The following DOCK4 variants were observed in gnomAD, a reference collection of about 807,000 sequenced individuals.
DOCK4 encodes the protein dedicator of cytokinesis protein 4.
A neutral mutation model predicts 268.1 loss-of-function variants in DOCK4; 97 were observed. That is an observed-to-expected ratio of 0.36 (90% CI 0.31 to 0.43). DOCK4 has a LOEUF of 0.43. Among genes scored for constraint, DOCK4 ranks in the 20% least tolerant of loss-of-function variants. The pLI is 1.00. For missense variants in DOCK4, 2,145 were observed against 2,455.7 expected (o/e 0.87, Z 2.67); for synonymous variants, 954 against 887.2 (o/e 1.08, Z -1.34).
chr7:111,933,357 C>T (rs1286015000), intron 12 of DOCK4, among the ~76,000 whole-genome samples: 1 of 138,878 alleles, frequency 7.2e-6, no homozygotes, highest in East Asian at 2.1e-4. Context: ...TGCAGTGGTG[C>T]GATCTTGGCT....
At chr7:111,739,967 T>G in intron 47 of DOCK4, 1 of 315,316 alleles carries the variant, frequency 3.2e-6, no homozygotes. Context: ...AATAAAATGT[T>G]TGCTTGCAGG....
intron 23 of DOCK4, among the ~76,000 whole-genome samples, chr7:111,858,559 T>C (rs73715280): frequency 0.32 from 48,560 of 152,016 alleles, 7,837 homozygotes; most frequent in East Asian, 0.35. Flanking sequence ...TTCCTGATGG[T>C]CTTCGAGCTA....
intron 1 of DOCK4, among the ~76,000 whole-genome samples, chr7:112,046,977 A>G (rs1804881017): frequency 6.6e-6 from 1 of 152,224 alleles, no homozygotes; most frequent in Non-Finnish European, 1.5e-5. Context: ...TTCTACTTTA[A>G]GTATCCCAGA....
intron 1 of DOCK4, among the ~76,000 whole-genome samples, chr7:112,008,942 G>A (rs1801076777): frequency 6.6e-6 from 1 of 152,226 alleles, no homozygotes; most frequent in Admixed American, 6.5e-5. Context: ...GCAGTGAGCT[G>A]AGATCGTGCC....
At chr7:111,909,429 C>T (rs1487408158) in intron 13 of DOCK4, among the ~76,000 whole-genome samples, 1 of 152,066 alleles carries the variant, frequency 6.6e-6, no homozygotes, top group African/African-American at 2.4e-5. Context: ...TCAACTTTGA[C>T]CAAATAGAAA....
Position 112,011,351 on chromosome 7 carries a change from A to G in DOCK4, c.38-7220T>C, listed in dbSNP as rs531280756. 1.5e-4 allele frequency among the ~76,000 whole-genome samples: 23 copies of G among 152,310 alleles called. No individual in the cohort carries two copies. In the South Asian group the frequency reaches 2.3e-3, roughly 15 times the overall value. On this transcript the variant is annotated intron_variant, in intron 1 of 52. Transcript: ENST00000428084. ...CTTCCTGAGGGGCTCAGCCTCTTAC[A>G]AGCTTTCAAGCACTCCCCATTCAGA...
chr7:111,838,490 ATTGATATACAAAAGAAT>A (rs1461033046), intron 25 of DOCK4, among the ~76,000 whole-genome samples: 2 of 152,218 alleles, frequency 1.3e-5, no homozygotes, highest in Non-Finnish European at 2.9e-5. Context: ...GGAATAAACT[ATTGATATACAAAAGAAT>A]AAGGATGAAA....
intron 1 of DOCK4, among the ~76,000 whole-genome samples, chr7:112,199,781 C>G (rs1820758810): frequency 6.6e-6 from 1 of 152,062 alleles, no homozygotes; most frequent in South Asian, 2.1e-4. Flanking sequence ...GTTATAGTGA[C>G]CAGAGAGTGT....
chr7:112,206,068 G>A, intron 1 of DOCK4, 34 bp downstream of exon 1: 1 of 1,563,444 alleles, frequency 6.4e-7, no homozygotes, highest in South Asian at 1.2e-5. Context: ...GCTCGGGCCA[G>A]AGCAGAATAA....
intron 1 of DOCK4, among the ~76,000 whole-genome samples, chr7:112,174,262 A>C: frequency 6.6e-6 from 1 of 152,000 alleles, no homozygotes; most frequent in South Asian, 2.1e-4. Context: ...TCACACACAC[A>C]ATCTGGAAAA....
At chr7:111,789,116 G>A (rs1799367942) in intron 31 of DOCK4, 2 of 238,408 alleles carry the variant, frequency 8.4e-6, no homozygotes, top group Non-Finnish European at 1.7e-5. Flanking sequence ...AAGGACATCA[G>A]GAAACTAACA....
intron 1 of DOCK4, among the ~76,000 whole-genome samples, chr7:112,167,483 T>G (rs1817703983): frequency 2.0e-5 from 3 of 152,202 alleles, no homozygotes; most frequent in African/African-American, 7.2e-5. Flanking sequence ...AATACTCACT[T>G]GATTAAAGAA....
At chr7:112,043,992 C>A (rs1804622895) in intron 1 of DOCK4, among the ~76,000 whole-genome samples, 1 of 150,598 alleles carries the variant, frequency 6.6e-6, no homozygotes, top group Admixed American at 6.6e-5. Context: ...TTGGATAGCA[C>A]TTAACATAGT....
At chr7:111,913,506 T>C (rs1792311066) in intron 13 of DOCK4, among the ~76,000 whole-genome samples, 1 of 148,834 alleles carries the variant, frequency 6.7e-6, no homozygotes, top group Non-Finnish European at 1.5e-5. Context: ...ACCTCCCGGG[T>C]TCACGCCATT....
At chr7:112,185,764 C>T (rs1819449945) in intron 1 of DOCK4, among the ~76,000 whole-genome samples, 1 of 152,224 alleles carries the variant, frequency 6.6e-6, no homozygotes, top group African/African-American at 2.4e-5. Flanking sequence ...TTAACGTGTT[C>T]CATTCTCACT....
intron 1 of DOCK4, among the ~76,000 whole-genome samples, chr7:112,021,796 T>G (rs1802340944): frequency 6.6e-6 from 1 of 152,054 alleles, no homozygotes; most frequent in Non-Finnish European, 1.5e-5. Context: ...ACAAAAAGGA[T>G]CAAGGCCCTG....
At chr7:111,788,591 G>T in intron 32 of DOCK4, 71 bp downstream of exon 32, 1 of 1,259,094 alleles carries the variant, frequency 7.9e-7, no homozygotes, top group Non-Finnish European at 1.1e-6. Context: ...AGCTACCGTG[G>T]TGCAGAGAGG....
At chr7:111,760,738 TTGTGTGTG>T (rs3997406) in intron 39 of DOCK4, among the ~76,000 whole-genome samples, 33,111 of 136,698 alleles carry the variant, frequency 0.24, 4,012 homozygotes, top group African/African-American at 0.33. Context: ...TGTCTGCTTT[TTGTGTGTG>T]TGTGTGTGTG....
intron 1 of DOCK4, among the ~76,000 whole-genome samples, chr7:112,129,375 A>C (rs1015549286): frequency 4.6e-5 from 7 of 152,192 alleles, no homozygotes; most frequent in African/African-American, 1.7e-4. Flanking sequence ...GGAACAGTGG[A>C]GGGATGGGTA....
Sources: gnomAD v4.1 joint callset for allele counts (sites outside exome capture counted in the v4.1 genomes callset) on GRCh38, gnomAD v4.1.1 for gene constraint, MANE v1.5 for transcripts, NCBI Gene and HGNC (gene_info 2026-07-23, HGNC 2026-07-21) for gene names.